Variants in BRINP3 observed in about 807,000 individuals in gnomAD.
BRINP3 encodes BMP/retinoic acid inducible neural specific 3, also known as BMP/retinoic acid-inducible neural-specific protein 3.
In BRINP3, 19 loss-of-function variants were observed where a neutral mutation model predicts 71.0. The ratio of observed to expected loss-of-function variants is 0.27; its 90% confidence interval spans 0.19 to 0.39. The LOEUF (loss-of-function observed/expected upper bound fraction) is 0.39, where lower values mean the gene tolerates loss of function less well. BRINP3 is among the 10% of genes least tolerant of loss of function. The pLI, the probability that BRINP3 is intolerant of heterozygous loss-of-function variation, is 1.00. For synonymous variants in BRINP3, 380 were observed against 337.7 expected, an observed-to-expected ratio of 1.13 and a Z score of -1.37; for missense variants, 959 against 940.8, an observed-to-expected ratio of 1.02 and a Z score of -0.25.
chr1:190,389,851 G>A (rs1212529173), intron 2 of BRINP3, among the ~76,000 whole-genome samples: 1 of 151,590 alleles, frequency 6.6e-6, no homozygotes, highest in Admixed American at 6.6e-5. Flanking sequence ...TTCTGATTAG[G>A]GTAGACACAA....
At chr1:190,248,907 A>G (rs907343238) in intron 4 of BRINP3, among the ~76,000 whole-genome samples, 2 of 151,792 alleles carry the variant, frequency 1.3e-5, no homozygotes, top group Non-Finnish European at 2.9e-5. Flanking sequence ...ATAATATATT[A>G]TTCTCAAAAG....
Position 190,443,498 on chromosome 1 carries a change from C to T in BRINP3, c.236+11157G>A, listed in dbSNP as rs370165857. ...TGAAGAGTATAAAACATTCTCTTTC[C>T]CTAGTTTAAAGTATCTCTGCTACTG... is the stretch of plus-strand genomic sequence containing the variant. On this transcript the variant is annotated intron_variant, in intron 2 of 7. Transcript: ENST00000367462. Among the ~76,000 whole-genome samples the T allele has an allele frequency of 4.8e-5, 7 of 147,182 alleles. No homozygotes were observed. In the East Asian group the frequency reaches 9.7e-4, roughly 20 times the overall value.
At chr1:190,205,775 T>C (rs1247672902) in intron 6 of BRINP3, among the ~76,000 whole-genome samples, 1 of 151,946 alleles carries the variant, frequency 6.6e-6, no homozygotes, top group Non-Finnish European at 1.5e-5. Flanking sequence ...CTTCATTATC[T>C]CCCTTTAACT....
intron 2 of BRINP3, among the ~76,000 whole-genome samples, chr1:190,405,547 T>C (rs574692688): frequency 6.7e-6 from 1 of 148,674 alleles, no homozygotes; most frequent in Non-Finnish European, 1.5e-5. Context: ...ATGAGTAGTT[T>C]TGAGCTCTGT....
chr1:190,402,869 G>A (rs1672021785), intron 2 of BRINP3, among the ~76,000 whole-genome samples: 1 of 152,046 alleles, frequency 6.6e-6, no homozygotes, highest in Non-Finnish European at 1.5e-5. Context: ...GGAGCTAGGA[G>A]GCACAAGCCA....
At chr1:190,469,339 T>C (rs1676974625) in intron 1 of BRINP3, among the ~76,000 whole-genome samples, 1 of 151,064 alleles carries the variant, frequency 6.6e-6, no homozygotes, top group Non-Finnish European at 1.5e-5. Context: ...TAATAAGAAA[T>C]TCTATTACTG....
intron 7 of BRINP3, among the ~76,000 whole-genome samples, chr1:190,099,503 TAAG>T (rs1427247492): frequency 2.0e-5 from 3 of 152,116 alleles, no homozygotes; most frequent in African/African-American, 4.8e-5. Context: ...TGTTTTGAAA[TAAG>T]AAGAAGAAAG....
intron 6 of BRINP3, among the ~76,000 whole-genome samples, chr1:190,199,549 A>C (rs1654800839): frequency 6.6e-6 from 1 of 152,012 alleles, no homozygotes; most frequent in Admixed American, 6.6e-5. Context: ...GCTCCAAACT[A>C]TTTATTTTTC....
chr1:190,466,067 T>A (rs938580938), intron 1 of BRINP3, among the ~76,000 whole-genome samples: 2 of 151,654 alleles, frequency 1.3e-5, no homozygotes, highest in Non-Finnish European at 3.0e-5. Flanking sequence ...CATGTAAGTG[T>A]CAATTTAAAG....
intron 4 of BRINP3, among the ~76,000 whole-genome samples, chr1:190,239,818 T>A (rs542138147): frequency 1.5e-3 from 233 of 152,172 alleles, no homozygotes; most frequent in Non-Finnish European, 2.8e-3. Flanking sequence ...TGGATTTTCA[T>A]ACATATATCC....
At chr1:190,179,804 T>C (rs1652869800) in intron 6 of BRINP3, among the ~76,000 whole-genome samples, 2 of 152,164 alleles carry the variant, frequency 1.3e-5, no homozygotes, top group Non-Finnish European at 2.9e-5. Flanking sequence ...TTCTCCATTA[T>C]GGGGTAGTGG....
At chr1:190,273,721 A>C (rs1662313961) in intron 3 of BRINP3, among the ~76,000 whole-genome samples, 1 of 151,624 alleles carries the variant, frequency 6.6e-6, no homozygotes, top group Non-Finnish European at 1.5e-5. Flanking sequence ...ATAGAAATTA[A>C]AGAACCTTCA....
At chr1:190,455,406 A>G (rs1675917858) in intron 1 of BRINP3, among the ~76,000 whole-genome samples, 2 of 152,192 alleles carry the variant, frequency 1.3e-5, no homozygotes, top group African/African-American at 4.8e-5. Flanking sequence ...TAATCTACAT[A>G]AACACGGAGT....
chr1:190,116,228 G>A (rs934379892), intron 7 of BRINP3, among the ~76,000 whole-genome samples: 1 of 152,016 alleles, frequency 6.6e-6, no homozygotes, highest in African/African-American at 2.4e-5. Flanking sequence ...CTAATTGAAA[G>A]TATCTGCCTT....
chr1:190,109,526 A>G (rs757949460), intron 7 of BRINP3, among the ~76,000 whole-genome samples: 18 of 152,142 alleles, frequency 1.2e-4, no homozygotes, highest in Non-Finnish European at 2.5e-4. Context: ...ACTTCACTGG[A>G]TTAGGGGATA....
At chr1:190,122,716 A>T (rs1653774862) in intron 7 of BRINP3, among the ~76,000 whole-genome samples, 1 of 152,108 alleles carries the variant, frequency 6.6e-6, no homozygotes, top group Non-Finnish European at 1.5e-5. Flanking sequence ...GTACCCTAAA[A>T]CTTAAAGTAT....
At chr1:190,444,503 T>A (rs1417117978) in intron 2 of BRINP3, among the ~76,000 whole-genome samples, 1 of 151,588 alleles carries the variant, frequency 6.6e-6, no homozygotes, top group Non-Finnish European at 1.5e-5. Context: ...ATAAAAATAG[T>A]ATGCTTTTTA....
intron 6 of BRINP3, among the ~76,000 whole-genome samples, chr1:190,220,905 G>T (rs1247479606): frequency 6.6e-6 from 1 of 152,142 alleles, no homozygotes; most frequent in Admixed American, 6.6e-5. Flanking sequence ...ATTTTGGTGT[G>T]CAATTCTCTT....
intron 7 of BRINP3, among the ~76,000 whole-genome samples, chr1:190,108,143 G>C (rs1486311958): frequency 2.0e-5 from 3 of 151,998 alleles, no homozygotes; most frequent in African/African-American, 4.8e-5. Context: ...ATCCTTGATA[G>C]GTGAACTTCA....
Sources: gnomAD v4.1 joint callset for allele counts (sites outside exome capture counted in the v4.1 genomes callset) on GRCh38, gnomAD v4.1.1 for gene constraint, MANE v1.5 for transcripts, NCBI Gene and HGNC (gene_info 2026-07-23, HGNC 2026-07-21) for gene names.